The following CCL16 variants were observed in gnomAD, a reference collection of about 807,000 sequenced individuals.
CCL16 encodes the protein C-C motif chemokine ligand 16.
In CCL16, 6 loss-of-function variants were observed where a neutral mutation model predicts 7.5. That is an observed-to-expected ratio of 0.80 (90% CI 0.44 to 1.57). The LOEUF (loss-of-function observed/expected upper bound fraction) is 1.57. Among genes scored for constraint, CCL16 ranks in the 40% most tolerant of loss-of-function variants. The pLI, the probability that CCL16 is intolerant of heterozygous loss-of-function variation, is 0.01. For synonymous variants in CCL16, 60 were observed against 57.7 expected, an observed-to-expected ratio of 1.04 and a Z score of -0.18; for missense variants, 134 against 142.9, an observed-to-expected ratio of 0.94 and a Z score of 0.32.
chr17:35,977,789 C>T (rs2089649991), intron 2 of CCL16, 58 bp from the exon 3 acceptor site: 2 of 1,566,070 alleles, frequency 1.3e-6, no homozygotes, highest in Non-Finnish European at 8.7e-7. Context: ...GTCCGGTGCC[C>T]ACCCCCACCT....
intron 1 of CCL16, among the ~76,000 whole-genome samples, chr17:35,979,960 G>A (rs1481809838): frequency 1.3e-5 from 2 of 152,250 alleles, no homozygotes; most frequent in East Asian, 3.9e-4. Flanking sequence ...GCACCATCTT[G>A]CTGATCCATG....
rs748454851 is a variant in CCL16, at chr17:35,978,150, C to T, written c.190G>A (p.Ala64Thr). ...YRKALNCHLPAIIFVTKRNRE... is the reference protein window; with the variant it reads ...YRKALNCHLPTIIFVTKRNRE... ...CTAAAAGGACGTGCTTACATGATTG[C>T]TGGCAGGTGACAGTTGAGGGCCTTT... Residue 64 changes from alanine to threonine, a missense_variant, in exon 2 of 3, where the codon GCA becomes ACA. Physicochemically the swap from Ala to Thr is moderately conservative, Grantham distance 58. Transcript: ENST00000611905. 2.8e-5 allele frequency: 45 copies of T among 1,614,092 alleles called. No homozygotes were observed. In the South Asian group the frequency reaches 4.8e-4, roughly 17 times the overall value.
chr17:35,978,450 C>T (rs575510758), intron 1 of CCL16, among the ~76,000 whole-genome samples, 187 bp from the exon 2 acceptor site: 33 of 152,332 alleles, frequency 2.2e-4, no homozygotes, highest in South Asian at 2.1e-4. Flanking sequence ...ACATTTAGAA[C>T]CCTCAGCCTC....
At position 35,977,795 on chromosome 17, in the gene CCL16, C is replaced by G. The variant is rs1393060146; in HGVS notation, c.198-64G>C. On this transcript the variant is annotated intron_variant, in intron 2 of 2. Transcript: ENST00000611905. Reference sequence around the variant, plus strand: ...CGGGCAGGAGTCCGGTGCCCACCCCCACCTCTGGTTCACATGGAGCTCACC... The same window carrying G: ...CGGGCAGGAGTCCGGTGCCCACCCCGACCTCTGGTTCACATGGAGCTCACC... 6.4e-6 allele frequency: 10 copies of G among 1,552,136 alleles called. No individual in the cohort carries two copies. In the Admixed American group the frequency reaches 1.8e-4, roughly 28 times the overall value.
chr17:35,978,675 G>A (rs1296673382), intron 1 of CCL16, among the ~76,000 whole-genome samples: 1 of 152,210 alleles, frequency 6.6e-6, no homozygotes, highest in African/African-American at 2.4e-5. Flanking sequence ...AAGAGAAATT[G>A]AAAAGTTAAA....
In CCL16 at chr17:35,977,533, C is replaced by T. The variant is rs1319915154; in HGVS notation, c.*33G>A. On this transcript the variant is annotated 3_prime_UTR_variant, in exon 3 of 3. Coordinates refer to ENST00000611905, the MANE Select transcript of CCL16 (RefSeq NM_004590.4). ...GTTTTCATAGGTTTACCCCTCTCTTCTGTAAACAAGGGCTTCCACTAAAGC... is the reference window on the plus strand; with the variant it reads ...GTTTTCATAGGTTTACCCCTCTCTTTTGTAAACAAGGGCTTCCACTAAAGC... The T allele has an allele frequency of 6.2e-7, 1 of 1,604,484 alleles. No individual in the cohort carries two copies. Among genetic ancestry groups the T allele is most frequent in the East Asian group, 2.2e-5 (1 of 44,852 alleles).
chr17:35,977,338 AATAAAAAT>A lies in CCL16; in HGVS notation c.*220_*227del. The A allele has an allele frequency of 3.3e-6, 1 of 303,938 alleles. No homozygotes were observed. The allele number at this position is 303,938 out of a possible 1,614,324, so 18.8% of individuals were successfully genotyped here. ...ACAGAGTAAGACCCTATCTCAAAAA[AATAAAAAT>A]ATAAATATAAAAATAAAAGAGCGTA... is the stretch of plus-strand genomic sequence containing the variant. On this transcript the variant is annotated 3_prime_UTR_variant, in exon 3 of 3. Coordinates refer to ENST00000611905, the MANE Select transcript of CCL16 (RefSeq NM_004590.4).
intron 1 of CCL16, among the ~76,000 whole-genome samples, chr17:35,980,821 C>G (rs911404804): frequency 5.3e-5 from 8 of 152,162 alleles, no homozygotes; most frequent in Non-Finnish European, 1.0e-4. Flanking sequence ...GATTCCCAAG[C>G]AGCCATTCCA....
intron 1 of CCL16, among the ~76,000 whole-genome samples, chr17:35,980,828 T>G (rs554981242): frequency 6.6e-6 from 1 of 152,238 alleles, no homozygotes; most frequent in South Asian, 2.1e-4. Flanking sequence ...AAGCAGCCAT[T>G]CCACTGGGAC....
chr17:35,979,375 G>T (rs989165794), intron 1 of CCL16, among the ~76,000 whole-genome samples: 1 of 152,074 alleles, frequency 6.6e-6, no homozygotes, highest in Non-Finnish European at 1.5e-5. Flanking sequence ...TTGGAGAGGC[G>T]GAGGTTAGGG....
chr17:35,977,857 T>C (rs1284383551), intron 2 of CCL16, 126 bp from the exon 3 acceptor site: 1 of 1,135,760 alleles, frequency 8.8e-7, no homozygotes, highest in Non-Finnish European at 1.3e-6. Context: ...CTGTCCTGGC[T>C]GGGTTCCCTC....
chr17:35,979,887 A>C (rs1280914303), intron 1 of CCL16, among the ~76,000 whole-genome samples: 2 of 152,156 alleles, frequency 1.3e-5, no homozygotes, highest in African/African-American at 4.8e-5. Flanking sequence ...TTCAGAGTGC[A>C]AATCTTTTTG....
chr17:35,978,093 C>T (rs1338848598), intron 2 of CCL16, 50 bp downstream of exon 2: 2 of 1,612,852 alleles, frequency 1.2e-6, no homozygotes. Flanking sequence ...CATTCCTGCC[C>T]CTGGGCTCCC....
At chr17:35,978,346 T>C in intron 1 of CCL16, 83 bp from the exon 2 acceptor site, 1 of 1,586,640 alleles carries the variant, frequency 6.3e-7, no homozygotes, top group Non-Finnish European at 8.6e-7. Flanking sequence ...CCATTTGTGT[T>C]TCACTCCTCT....
At position 35,978,263 on chromosome 17, in the gene CCL16, T is replaced by C; in HGVS notation, c.77A>G (p.Lys26Arg). Residue 26 changes from lysine to arginine, a missense_variant and splice_region_variant, in exon 2 of 3, where the codon AAA (lysine) becomes AGA (arginine). By Grantham distance (26) the Lys-to-Arg change is conservative. Transcript: ENST00000611905. ...TGGGGTGTTCACCCACTCAGGAACT[T>C]CTGAAGGAATCACATTGCAAGCTGA... is the stretch of plus-strand genomic sequence containing the variant. ...IITSASRSQPKVPEWVNTPST... is the reference protein window; with the variant it reads ...IITSASRSQPRVPEWVNTPST... The C allele has an allele frequency of 6.2e-7, 1 of 1,614,186 alleles. No homozygotes were observed. The highest frequency in any genetic ancestry group is 8.5e-7 in the Non-Finnish European group (1 of 1,180,018).
chr17:35,977,774 C>A, intron 2 of CCL16, 43 bp from the exon 3 acceptor site: 1 of 1,596,480 alleles, frequency 6.3e-7, no homozygotes. Flanking sequence ...CAGACTCGGG[C>A]AGGAGTCCGG....
intron 1 of CCL16, among the ~76,000 whole-genome samples, chr17:35,980,885 G>A (rs1042751468): frequency 2.6e-5 from 4 of 152,164 alleles, no homozygotes; most frequent in East Asian, 1.9e-4. Context: ...CAGCCATGTT[G>A]AGGAAGGGCT....
At chr17:35,980,528 A>C (rs1184608489) in intron 1 of CCL16, 2 of 184,510 alleles carry the variant, frequency 1.1e-5, no homozygotes, top group African/African-American at 2.4e-5. Context: ...TCACAAACAA[A>C]ACAAAACAAA....
chr17:35,979,137 A>G (rs958406728), intron 1 of CCL16, among the ~76,000 whole-genome samples: 13 of 151,268 alleles, frequency 8.6e-5, no homozygotes, highest in Non-Finnish European at 4.4e-5. Flanking sequence ...AAAGAAAAAA[A>G]AAAAAGGATT....
Sources: gnomAD v4.1 joint callset for allele counts (sites outside exome capture counted in the v4.1 genomes callset) on GRCh38, gnomAD v4.1.1 for gene constraint, MANE v1.5 for transcripts, NCBI Gene and HGNC (gene_info 2026-07-23, HGNC 2026-07-21) for gene names.